Variants in ITGBL1 observed in about 807,000 individuals in gnomAD.
The protein encoded by ITGBL1 is integrin subunit beta like 1.
In ITGBL1, 51 loss-of-function variants were observed where a neutral mutation model predicts 68.5. The ratio of observed to expected loss-of-function variants is 0.74; its 90% CI spans 0.59 to 0.94. The LOEUF is 0.94. Among genes scored for constraint, ITGBL1 ranks in the 40% least tolerant of loss-of-function variants. The pLI, the probability that ITGBL1 is intolerant of heterozygous loss-of-function variation, is 0.00. For synonymous variants in ITGBL1, 209 were observed against 227.3 expected, an observed-to-expected ratio of 0.92 and a Z score of 0.72; for missense variants, 649 against 647.4, an observed-to-expected ratio of 1.00 and a Z score of -0.03.
intron 2 of ITGBL1, among the ~76,000 whole-genome samples, chr13:101,464,236 G>C (rs1444601365): frequency 6.6e-6 from 1 of 152,056 alleles, no homozygotes; most frequent in African/African-American, 2.4e-5. Flanking sequence ...ATGTACTTCA[G>C]CCTCTCTTCT....
At chr13:101,697,326 A>G (rs747552259) in intron 8 of ITGBL1, among the ~76,000 whole-genome samples, 1 of 152,124 alleles carries the variant, frequency 6.6e-6, no homozygotes, top group African/African-American at 2.4e-5. Flanking sequence ...ACTATGTTGT[A>G]TTTCTTCCTA....
intron 2 of ITGBL1, among the ~76,000 whole-genome samples, chr13:101,566,010 A>G (rs566480072): frequency 6.6e-6 from 1 of 152,242 alleles, no homozygotes; most frequent in African/African-American, 2.4e-5. Flanking sequence ...TACTGTGTAT[A>G]CTTTAGGATC....
At chr13:101,513,788 A>T (rs952702133) in intron 2 of ITGBL1, among the ~76,000 whole-genome samples, 3 of 152,062 alleles carry the variant, frequency 2.0e-5, no homozygotes, top group Admixed American at 1.3e-4. Flanking sequence ...ACGAGGATGT[A>T]TTATTCACAT....
rs959979596 is a variant in ITGBL1 at position 101,699,693 on chromosome 13, G to A, written c.1132+6992G>A. The stretch of plus-strand genomic sequence containing the variant: ...TAAACCTCTTTCCTTCCAAATTACC[G>A]AGTCTTGGGCAGTTCTTTAAACACA... On this transcript the variant is annotated intron_variant, in intron 8 of 10. Coordinates refer to ENST00000376180, the MANE Select transcript of ITGBL1 (RefSeq NM_004791.3). Among the ~76,000 whole-genome samples the A allele has an allele frequency of 5.3e-5, 8 of 152,210 alleles. No homozygotes were observed. In the South Asian group the frequency reaches 1.5e-3, roughly 28 times the overall value.
chr13:101,459,642 A>G (rs1158652091), intron 2 of ITGBL1, among the ~76,000 whole-genome samples: 2 of 152,228 alleles, frequency 1.3e-5, no homozygotes, highest in Admixed American at 6.5e-5. Context: ...AGGGAGGCTG[A>G]GAGGGGAGGA....
intron 2 of ITGBL1, among the ~76,000 whole-genome samples, chr13:101,499,688 C>A (rs2048910993): frequency 6.6e-6 from 1 of 152,112 alleles, no homozygotes; most frequent in Non-Finnish European, 1.5e-5. Flanking sequence ...AAGACTTTGG[C>A]AATTGATTTT....
At chr13:101,487,456 C>A (rs2048717179) in intron 2 of ITGBL1, among the ~76,000 whole-genome samples, 1 of 151,914 alleles carries the variant, frequency 6.6e-6, no homozygotes, top group African/African-American at 2.4e-5. Flanking sequence ...TTTTTGAAAT[C>A]CTGGTAGCGA....
chr13:101,493,845 G>A (rs551009857), intron 2 of ITGBL1, among the ~76,000 whole-genome samples: 1 of 152,320 alleles, frequency 6.6e-6, no homozygotes, highest in African/African-American at 2.4e-5. Context: ...AAGGTTATAG[G>A]AAACTTGGCT....
At chr13:101,546,147 C>T (rs1424461822) in intron 2 of ITGBL1, among the ~76,000 whole-genome samples, 2 of 152,058 alleles carry the variant, frequency 1.3e-5, no homozygotes, top group South Asian at 4.1e-4. Context: ...AACGTTAGAA[C>T]ATGTGAAATT....
chr13:101,543,526 A>G (rs1394111399), intron 2 of ITGBL1, among the ~76,000 whole-genome samples: 9 of 151,912 alleles, frequency 5.9e-5, no homozygotes, highest in Admixed American at 1.3e-4. Context: ...GAATCTGACA[A>G]TTATGTGTCT....
intron 2 of ITGBL1, among the ~76,000 whole-genome samples, chr13:101,496,697 G>A (rs910740866): frequency 6.6e-6 from 1 of 151,968 alleles, no homozygotes; most frequent in African/African-American, 2.4e-5. Flanking sequence ...TCATTATAGC[G>A]GTAATCACAA....
At chr13:101,633,026 T>TCATC in intron 7 of ITGBL1, among the ~76,000 whole-genome samples, 1 of 152,318 alleles carries the variant, frequency 6.6e-6, no homozygotes. Context: ...AGTTCCCAGG[T>TCATC]GATGCTGGCA....
chr13:101,706,690 T>C (rs757007490), intron 8 of ITGBL1, 66 bp from the exon 9 acceptor site: 6 of 1,523,534 alleles, frequency 3.9e-6, no homozygotes, highest in Non-Finnish European at 5.4e-6. Context: ...ATTTCTTTCT[T>C]AAAACTCTCT....
intron 6 of ITGBL1, among the ~76,000 whole-genome samples, chr13:101,594,107 A>G (rs905111629): frequency 3.3e-5 from 5 of 152,162 alleles, no homozygotes; most frequent in Admixed American, 6.6e-5. Flanking sequence ...ATGGAACCAC[A>G]ATATACCCCA....
rs533256447 is a variant in ITGBL1 at position 101,581,485 on chromosome 13, G to T, written c.728-1731G>T. 2.6e-5 allele frequency among the ~76,000 whole-genome samples: 4 copies of T among 152,066 alleles called. No homozygotes were observed. The East Asian group carries it at 5.8e-4, about 22-fold the overall frequency. On this transcript the variant is annotated intron_variant, in intron 5 of 10. Transcript: ENST00000376180. The stretch of plus-strand genomic sequence containing the variant: ...TTTATTAAAATTCATTTTTATGGCT[G>T]CCCTATCCCTGTATTTCCTTCTTAT...
chr13:101,717,660 ATTC>A (rs1244540787), downstream of ITGBL1: 10 of 149,664 alleles, frequency 6.7e-5, no homozygotes, highest in South Asian at 6.6e-4. Flanking sequence ...CCTGTCTCAT[ATTC>A]TTCTTTGTTG....
At chr13:101,607,295 A>T (rs546041990) in intron 7 of ITGBL1, among the ~76,000 whole-genome samples, 6 of 152,040 alleles carry the variant, frequency 3.9e-5, no homozygotes, top group Admixed American at 3.3e-4. Flanking sequence ...GTGCAAGTTT[A>T]AAAAAAATTA....
chr13:101,539,048 T>TAC (rs1327341325), intron 2 of ITGBL1, among the ~76,000 whole-genome samples: 1 of 128,008 alleles, frequency 7.8e-6, no homozygotes, highest in African/African-American at 2.8e-5. Flanking sequence ...GCTGTGCTGC[T>TAC]TCTTTTTTTT....
At position 101,549,661 on chromosome 13, in the gene ITGBL1, C is replaced by T. The variant is rs546143368; in HGVS notation, c.317-18038C>T. On this transcript the variant is annotated intron_variant, in intron 2 of 10. Transcript: ENST00000376180. Reference sequence around the variant, plus strand: ...TAAAAGATTTTTTATATAACAAAAACGATTTATAAACCAATGAGAAGATTT... The same window carrying T: ...TAAAAGATTTTTTATATAACAAAAATGATTTATAAACCAATGAGAAGATTT... Among the ~76,000 whole-genome samples, 13 of 151,924 alleles carry T rather than the reference C, an allele frequency of 8.6e-5. No homozygotes were observed. The East Asian group carries it at 1.4e-3, about 16-fold the overall frequency.
Sources: gnomAD v4.1 joint callset for allele counts (sites outside exome capture counted in the v4.1 genomes callset) on GRCh38, gnomAD v4.1.1 for gene constraint, MANE v1.5 for transcripts, NCBI Gene and HGNC (gene_info 2026-07-23, HGNC 2026-07-21) for gene names.